The following PPP3CA variants were observed in gnomAD, a reference collection of about 807,000 sequenced individuals.
PPP3CA encodes protein phosphatase 3 catalytic subunit alpha.
A neutral mutation model predicts 66.5 loss-of-function variants in PPP3CA; 14 were observed. That is an observed-to-expected ratio of 0.21 (90% CI 0.14 to 0.33). The LOEUF (loss-of-function observed/expected upper bound fraction) is 0.33, where lower values mean the gene tolerates loss of function less well. PPP3CA is among the 10% of genes least tolerant of loss of function. The pLI is 1.00. For synonymous variants in PPP3CA, 232 were observed against 226.2 expected (o/e 1.03, Z -0.23); for missense variants, 317 against 639.5 (o/e 0.50, Z 5.44).
At chr4:101,312,708 T>C (rs888006536) in intron 1 of PPP3CA, among the ~76,000 whole-genome samples, 5 of 152,054 alleles carry the variant, frequency 3.3e-5, no homozygotes, top group African/African-American at 1.2e-4. Context: ...AAATAATCTT[T>C]AATTATTAAT....
intron 8 of PPP3CA, among the ~76,000 whole-genome samples, chr4:101,080,193 T>G (rs1578427131): frequency 1.3e-5 from 2 of 152,184 alleles, no homozygotes; most frequent in African/African-American, 4.8e-5. Context: ...ACACTTATTC[T>G]ATTTAAATCC....
At chr4:101,096,371 T>TA (rs1261975586) in intron 5 of PPP3CA, among the ~76,000 whole-genome samples, 4 of 152,178 alleles carry the variant, frequency 2.6e-5, no homozygotes, top group African/African-American at 9.6e-5. Context: ...ACAAAAGTAT[T>TA]AAAGAAACAC....
intron 7 of PPP3CA, 45 bp downstream of exon 7, chr4:101,083,141 A>G (rs1305140746): frequency 2.2e-5 from 30 of 1,350,228 alleles, no homozygotes; most frequent in Non-Finnish European, 2.8e-5. Flanking sequence ...GAAGTTCTGG[A>G]AAATGGACAA....
chr4:101,283,004 T>G (rs570535072), intron 1 of PPP3CA, among the ~76,000 whole-genome samples: 5 of 152,334 alleles, frequency 3.3e-5, no homozygotes, highest in Non-Finnish European at 5.9e-5. Flanking sequence ...ATTTTATAGG[T>G]TCACATAATA....
At chr4:101,253,218 G>A (rs1312640205) in intron 1 of PPP3CA, among the ~76,000 whole-genome samples, 2 of 152,136 alleles carry the variant, frequency 1.3e-5, no homozygotes, top group African/African-American at 4.8e-5. Context: ...AAATGGCACA[G>A]CTTCCCTGAT....
intron 2 of PPP3CA, chr4:101,171,113 T>C: frequency 2.2e-6 from 1 of 451,274 alleles, no homozygotes; most frequent in Non-Finnish European, 4.4e-6. Flanking sequence ...GTCCTTTGGG[T>C]GGTTGTCAGT....
chr4:101,096,027 A>G (rs1730182477), intron 5 of PPP3CA, among the ~76,000 whole-genome samples: 1 of 152,184 alleles, frequency 6.6e-6, no homozygotes, highest in South Asian at 2.1e-4. Context: ...CCAATGCTCT[A>G]TGCTCTATAG....
chr4:101,178,389 A>G (rs1724130932), intron 2 of PPP3CA, among the ~76,000 whole-genome samples: 1 of 152,158 alleles, frequency 6.6e-6, no homozygotes, highest in Admixed American at 6.6e-5. Context: ...TGATTAATTA[A>G]GCAAAAAATC....
intron 1 of PPP3CA, among the ~76,000 whole-genome samples, chr4:101,288,477 TCAAA>T (rs1335794060): frequency 6.7e-6 from 1 of 149,572 alleles, no homozygotes; most frequent in Non-Finnish European, 1.5e-5. Flanking sequence ...CACCCTAGGT[TCAAA>T]CAAATTAACA....
chr4:101,321,879 C>A (rs1373481679), intron 1 of PPP3CA, among the ~76,000 whole-genome samples: 1 of 152,226 alleles, frequency 6.6e-6, no homozygotes, highest in East Asian at 1.9e-4. Flanking sequence ...AAAAACAAGC[C>A]GACCAAAAAG....
At position 101,278,972 on chromosome 4, in the gene PPP3CA, G is replaced by A. The variant is rs546322836; in HGVS notation, c.58+67767C>T. On this transcript the variant is annotated intron_variant, in intron 1 of 13. Transcript: ENST00000394854. ...ATGACAGATTTGTTTTATGAAAACC[G>A]ATCAATTTCCCAATAAAGCCTTTCT... is the stretch of plus-strand genomic sequence containing the variant. 4.6e-5 allele frequency among the ~76,000 whole-genome samples: 7 copies of A among 152,202 alleles called. No individual in the cohort carries two copies. In the South Asian group the frequency reaches 8.3e-4, roughly 18 times the overall value.
intron 1 of PPP3CA, among the ~76,000 whole-genome samples, chr4:101,206,349 G>A (rs1296634557): frequency 6.6e-6 from 1 of 152,136 alleles, no homozygotes; most frequent in Non-Finnish European, 1.5e-5. Context: ...AAGTGAACTT[G>A]TCAATTTTGG....
chr4:101,029,220 A>T, intron 12 of PPP3CA, 25 bp from the exon 13 acceptor site: 1 of 1,595,490 alleles, frequency 6.3e-7, no homozygotes. Flanking sequence ...GGGGGTGCAA[A>T]ATGAATGAGA....
At chr4:101,027,669 T>C (rs935971237) in intron 13 of PPP3CA, among the ~76,000 whole-genome samples, 16 of 152,212 alleles carry the variant, frequency 1.1e-4, no homozygotes, top group Non-Finnish European at 2.2e-4. Context: ...AATTTCATCA[T>C]AATTAACAGG....
chr4:101,032,449 A>T, intron 11 of PPP3CA, 85 bp from the exon 12 acceptor site: 1 of 1,094,698 alleles, frequency 9.1e-7, no homozygotes, highest in Admixed American at 2.0e-5. Context: ...AAAAATGCAT[A>T]TAAGCACCCA....
chr4:101,144,995 T>C (rs1449012354), intron 2 of PPP3CA, among the ~76,000 whole-genome samples: 1 of 152,174 alleles, frequency 6.6e-6, no homozygotes, highest in East Asian at 1.9e-4. Flanking sequence ...AATACTTCCC[T>C]TTGATTGGTA....
At chr4:101,099,505 A>C in intron 4 of PPP3CA, 106 bp downstream of exon 4, 1 of 537,926 alleles carries the variant, frequency 1.9e-6, no homozygotes, top group Non-Finnish European at 3.2e-6. Flanking sequence ...TGTCACTTTA[A>C]GTCTTTGACT....
intron 1 of PPP3CA, among the ~76,000 whole-genome samples, chr4:101,252,828 A>C (rs749496891): frequency 2.0e-5 from 3 of 152,044 alleles, no homozygotes; most frequent in Non-Finnish European, 2.9e-5. Flanking sequence ...CTCTTATTTG[A>C]TAGACGGTTG....
At chr4:101,265,924 A>G (rs6854624) in intron 1 of PPP3CA, among the ~76,000 whole-genome samples, 99,073 of 151,816 alleles carry the variant, frequency 0.65, 33,415 homozygotes, top group Non-Finnish European at 0.75. Context: ...TGCTCTACCT[A>G]GAAAAAAAAA....
Sources: gnomAD v4.1 joint callset for allele counts (sites outside exome capture counted in the v4.1 genomes callset) on GRCh38, gnomAD v4.1.1 for gene constraint, MANE v1.5 for transcripts, NCBI Gene and HGNC (gene_info 2026-07-23, HGNC 2026-07-21) for gene names.